PSPH: variants seen among roughly 807,000 people sequenced by gnomAD.
The protein encoded by PSPH is phosphoserine phosphatase, also known as L-3-phosphoserine phosphatase.
PSPH carries 16 observed loss-of-function variants against 23.4 expected under a neutral mutation model. The observed-to-expected ratio is 0.68, with a 90% CI of 0.46 to 1.04. PSPH has a LOEUF of 1.04. Among genes scored for constraint, PSPH ranks in the 50% least tolerant of loss-of-function variants. The pLI, the probability that PSPH is intolerant of heterozygous loss-of-function variation, is 0.00. For missense variants in PSPH, 223 were observed against 273.7 expected, an observed-to-expected ratio of 0.81 and a Z score of 1.31; for synonymous variants, 68 against 99.7, an observed-to-expected ratio of 0.68 and a Z score of 1.89.
chr7:56,033,224 G>A (rs919502557), intron 2 of PSPH: 1 of 151,994 alleles, frequency 6.6e-6, no homozygotes, highest in African/African-American at 2.4e-5. Context: ...CAGGTACAGT[G>A]GTCATGCCTG....
intron 4 of PSPH, among the ~76,000 whole-genome samples, chr7:56,020,583 T>A (rs560536036): frequency 7.6e-6 from 1 of 132,214 alleles, no homozygotes; most frequent in Admixed American, 7.6e-5. Flanking sequence ...TGAGATTGGG[T>A]CACTGCACTC....
chr7:56,033,496 T>G (rs1791308542), intron 2 of PSPH: 1 of 139,118 alleles, frequency 7.2e-6, no homozygotes. Context: ...AGACTCTGTC[T>G]GAAAAAAAAA....
intron 1 of PSPH, among the ~76,000 whole-genome samples, chr7:56,044,861 G>A (rs1442923434): frequency 6.6e-6 from 1 of 151,728 alleles, no homozygotes; most frequent in East Asian, 1.9e-4. Context: ...ATCACTTGAG[G>A]TTAGGAGTTT....
intron 1 of PSPH, among the ~76,000 whole-genome samples, chr7:56,039,255 G>A (rs1443480809): frequency 6.6e-6 from 1 of 151,106 alleles, no homozygotes; most frequent in Non-Finnish European, 1.5e-5. Flanking sequence ...ACTTTAAAAA[G>A]AGACTATCAT....
At chr7:56,026,772 T>G (rs1441395747) in intron 3 of PSPH, among the ~76,000 whole-genome samples, 1 of 151,906 alleles carries the variant, frequency 6.6e-6, no homozygotes, top group Non-Finnish European at 1.5e-5. Flanking sequence ...ATCAGCAGAG[T>G]AGCAGCACTT....
Position 56,014,948 on chromosome 7 carries a change from A to G in PSPH, c.570+75T>C. The G allele has an allele frequency of 2.1e-6, 3 of 1,408,838 alleles. No homozygotes were observed. The South Asian group carries it at 4.4e-5, about 21-fold the overall frequency. 87.3% of individuals were successfully genotyped at this position (1,408,838 alleles called of 1,614,324 possible). A position where few individuals can be genotyped will look rare whatever the true frequency, so the allele number is the denominator to read the frequency against. ...ACAAGAGTGAAACTCCGTCTCAAAA[A>G]AAATAAAGAAATAATAAATAAATAA... On this transcript the variant is annotated intron_variant, in intron 7 of 7. Coordinates refer to ENST00000275605, the MANE Select transcript of PSPH (RefSeq NM_004577.4).
chr7:56,034,794 G>A (rs1791512883), intron 1 of PSPH, among the ~76,000 whole-genome samples: 2 of 150,422 alleles, frequency 1.3e-5, no homozygotes, highest in African/African-American at 4.9e-5. Context: ...GGGATTACAG[G>A]CGTGAGCCAC....
intron 3 of PSPH, among the ~76,000 whole-genome samples, chr7:56,025,094 G>A (rs907047143): frequency 6.6e-6 from 1 of 151,808 alleles, no homozygotes; most frequent in South Asian, 2.1e-4. Context: ...GTGAGCCACC[G>A]TGCCCTACCA....
At chr7:56,021,275 T>C in intron 3 of PSPH, 44 bp from the exon 4 acceptor site, 2 of 1,562,088 alleles carry the variant, frequency 1.3e-6, no homozygotes, top group Non-Finnish European at 1.7e-6. Flanking sequence ...TCAAATAAAA[T>C]TATGAAAAGA....
intron 3 of PSPH, among the ~76,000 whole-genome samples, chr7:56,029,395 G>A (rs1202188049): frequency 6.6e-6 from 1 of 151,120 alleles, no homozygotes; most frequent in Non-Finnish European, 1.5e-5. Flanking sequence ...CAGCTCCCAG[G>A]TCCCATCCGG....
rs1489256747 is a variant in PSPH at position 56,011,326 on chromosome 7, A to G, written c.*436T>C. 6.4e-6 allele frequency: 1 copy of G among 155,062 alleles called. No individual in the cohort carries two copies. Among genetic ancestry groups the G allele is most frequent in the African/African-American group, 2.4e-5 (1 of 41,452 alleles). The allele number at this position is 155,062 out of a possible 1,614,324, so 9.6% of individuals were successfully genotyped here. ...AGGCGGATCACAAGGTCAGGAGATC[A>G]AGACCATCCTGGCTAACACGGTCAA... On this transcript the variant is annotated 3_prime_UTR_variant, in exon 8 of 8. Coordinates refer to ENST00000275605, the MANE Select transcript of PSPH (RefSeq NM_004577.4).
chr7:56,046,253 C>T (rs184493877), intron 1 of PSPH, among the ~76,000 whole-genome samples: 99 of 152,250 alleles, frequency 6.5e-4, no homozygotes, highest in African/African-American at 2.3e-3. Flanking sequence ...TCTCCTGCCT[C>T]AGCCTCCTGA....
intron 1 of PSPH, among the ~76,000 whole-genome samples, chr7:56,044,064 C>T (rs1388514491): frequency 3.3e-5 from 5 of 152,102 alleles, no homozygotes; most frequent in Non-Finnish European, 7.4e-5. Flanking sequence ...TCAAGTGATT[C>T]TCCTGCCTCA....
chr7:56,049,200 A>C (rs1048966258), intron 1 of PSPH, among the ~76,000 whole-genome samples: 1 of 151,938 alleles, frequency 6.6e-6, no homozygotes, highest in Non-Finnish European at 1.5e-5. Flanking sequence ...CTGGGATTAC[A>C]GGCATAAGCC....
rs369162098 is a variant in PSPH, at chr7:56,039,499, C to G, written c.-291-5393G>C. On this transcript the variant is annotated intron_variant, in intron 1 of 7. Coordinates refer to ENST00000275605, the MANE Select transcript of PSPH (RefSeq NM_004577.4). ...CGTTAAATACCAATACATTGCTGGC[C>G]GGGCACGGTGGCTCACACCTGTAAT... Among the ~76,000 whole-genome samples the G allele has an allele frequency of 3.3e-5, 5 of 151,888 alleles. No homozygotes were observed. In the East Asian group the frequency reaches 9.7e-4, roughly 30 times the overall value.
chr7:56,017,522 TG>T lies in PSPH; in HGVS notation c.276-144del, dbSNP rs1788728738. 2.0e-6 allele frequency: 3 copies of T among 1,476,376 alleles called. No individual in the cohort carries two copies. The East Asian group carries it at 7.4e-5, about 36-fold the overall frequency. The allele number at this position is 1,476,376 out of a possible 1,614,324, so 91.5% of individuals were successfully genotyped here. On this transcript the variant is annotated intron_variant, in intron 5 of 7. Transcript: ENST00000275605. ...GGTATGTTTGACAAGGTATACTGCC[TG>T]GGGTGTTAATGTTTTATATATGTTT... is the stretch of plus-strand genomic sequence containing the variant.
chr7:56,030,133 G>A (rs1209252746), intron 3 of PSPH, among the ~76,000 whole-genome samples: 2 of 151,996 alleles, frequency 1.3e-5, no homozygotes, highest in African/African-American at 4.8e-5. Flanking sequence ...GTTTAGAGAT[G>A]GAGTCCTGCT....
At chr7:56,023,049 G>GAC (rs981269340) in intron 3 of PSPH, among the ~76,000 whole-genome samples, 1 of 152,030 alleles carries the variant, frequency 6.6e-6, no homozygotes, top group African/African-American at 2.4e-5. Context: ...CACAGAATGA[G>GAC]ACCCTGTCTG....
chr7:56,017,178 G>A, intron 6 of PSPH, 56 bp downstream of exon 6: 4 of 1,611,336 alleles, frequency 2.5e-6, no homozygotes, highest in Non-Finnish European at 3.4e-6. Flanking sequence ...ACATTACCCA[G>A]AATACTGAAC....
Sources: gnomAD v4.1 joint callset for allele counts (sites outside exome capture counted in the v4.1 genomes callset) on GRCh38, gnomAD v4.1.1 for gene constraint, MANE v1.5 for transcripts, NCBI Gene and HGNC (gene_info 2026-07-23, HGNC 2026-07-21) for gene names.